The following TMC1 variants were observed in gnomAD, a reference collection of about 807,000 sequenced individuals.
TMC1 encodes transmembrane channel like 1.
In TMC1, 84 loss-of-function variants were observed where a neutral mutation model predicts 105.8. The observed-to-expected ratio is 0.79, with a 90% CI of 0.67 to 0.95. The LOEUF (loss-of-function observed/expected upper bound fraction) is 0.95, where lower values mean the gene tolerates loss of function less well. Among genes scored for constraint, TMC1 ranks in the 40% least tolerant of loss-of-function variants. The pLI is 0.00. For synonymous variants in TMC1, 315 were observed against 311.5 expected, an observed-to-expected ratio of 1.01 and a Z score of -0.12; for missense variants, 817 against 914.1, an observed-to-expected ratio of 0.89 and a Z score of 1.37.
intron 8 of TMC1, among the ~76,000 whole-genome samples, chr9:72,725,346 T>TATATATATAC (rs1827100255): frequency 8.2e-6 from 1 of 122,160 alleles, no homozygotes; most frequent in Admixed American, 8.4e-5. Context: ...TATATATATA[T>TATATATATAC]ATATATATAT....
rs759009636 is a variant in TMC1, at chr9:72,834,027, G to GT, written c.2261-1911dup. Among the ~76,000 whole-genome samples the GT allele has an allele frequency of 9.1e-3, 1,072 of 118,282 alleles. 5 individuals carry two copies. Among genetic ancestry groups the GT allele is most frequent in the African/African-American group, 0.022 (724 of 32,706 alleles). 77.6% of individuals were successfully genotyped at this position (118,282 alleles called of 152,430 possible). ...TACAAATTCTTTCCATCCATTTTCTGTTTTTTTTTTTTTCATGTAGAATTT... is the reference window on the plus strand; with the variant it reads ...TACAAATTCTTTCCATCCATTTTCTGTTTTTTTTTTTTTTCATGTAGAATTT... On this transcript the variant is annotated intron_variant, in intron 23 of 23. Coordinates refer to ENST00000297784, the MANE Select transcript of TMC1 (RefSeq NM_138691.3).
intron 1 of TMC1, among the ~76,000 whole-genome samples, chr9:72,576,633 CT>C (rs56821184): frequency 4.3e-4 from 49 of 113,488 alleles, no homozygotes; most frequent in Admixed American, 6.6e-4. Context: ...TTTTTTTTTT[CT>C]TTTTTTTTTT....
intron 3 of TMC1, among the ~76,000 whole-genome samples, chr9:72,617,154 T>C (rs1825148089): frequency 6.6e-6 from 1 of 152,096 alleles, no homozygotes; most frequent in Non-Finnish European, 1.5e-5. Flanking sequence ...TCTCTCTCTC[T>C]TTTTATTTTT....
chr9:72,610,825 G>A (rs955233332), intron 2 of TMC1, among the ~76,000 whole-genome samples: 19 of 152,224 alleles, frequency 1.2e-4, no homozygotes, highest in African/African-American at 3.6e-4. Flanking sequence ...CTGTGATAAC[G>A]TCTCTGAAGC....
chr9:72,813,803 C>T (rs993094637), intron 18 of TMC1, among the ~76,000 whole-genome samples: 4 of 152,178 alleles, frequency 2.6e-5, no homozygotes, highest in African/African-American at 9.7e-5. Flanking sequence ...GCCCAGCTTA[C>T]CTAGCTAAGA....
intron 5 of TMC1, among the ~76,000 whole-genome samples, chr9:72,668,961 C>T (rs1826085301): frequency 6.6e-6 from 1 of 152,106 alleles, no homozygotes. Context: ...TTTTTGTCTC[C>T]CTACAACTCA....
rs532112510 is a variant in TMC1, at chr9:72,701,453, G to T, written c.362+810G>T. Among the ~76,000 whole-genome samples the T allele has an allele frequency of 5.9e-5, 9 of 152,292 alleles. No individual in the cohort carries two copies. In the South Asian group the frequency reaches 1.2e-3, roughly 21 times the overall value. On this transcript the variant is annotated intron_variant, in intron 8 of 23. Transcript: ENST00000297784. The stretch of plus-strand genomic sequence containing the variant: ...GGAGAGGAGGAAAGGGCAGGGAAAA[G>T]GGAAACTGTTTGTGATAACAGCCAT...
chr9:72,700,403 C>G (rs559717525), intron 7 of TMC1, 115 bp from the exon 8 acceptor site: 1 of 759,442 alleles, frequency 1.3e-6, no homozygotes, highest in East Asian at 2.9e-5. Context: ...CTAATGTTGA[C>G]TGCATATGGT....
At chr9:72,725,515 G>A (rs1022204342) in intron 8 of TMC1, among the ~76,000 whole-genome samples, 7 of 151,488 alleles carry the variant, frequency 4.6e-5, no homozygotes, top group Middle Eastern at 3.2e-3. Flanking sequence ...CTTGGAGTCC[G>A]ATATTCGAGG....
chr9:72,713,904 T>G (rs1826877154), intron 8 of TMC1, among the ~76,000 whole-genome samples: 1 of 152,196 alleles, frequency 6.6e-6, no homozygotes, highest in South Asian at 2.1e-4. Context: ...TGTGGGCTTT[T>G]AGTGCTATAA....
At chr9:72,750,347 G>A (rs150491287) in intron 10 of TMC1, among the ~76,000 whole-genome samples, 1 of 152,236 alleles carries the variant, frequency 6.6e-6, no homozygotes, top group East Asian at 1.9e-4. Context: ...GGCTGATGCA[G>A]CCAGGGACTG....
In TMC1 at chr9:72,835,989, C is replaced by T. The variant is rs905388893; in HGVS notation, c.*16C>T. The T allele has an allele frequency of 1.2e-6, 2 of 1,603,508 alleles. No homozygotes were observed. The highest frequency in any genetic ancestry group is 1.1e-5 in the South Asian group (1 of 90,898). Reference sequence around the variant, plus strand: ...TCGCCAGTAATAAGTATCCTGAGAGCCCAGAAAAGGTACACTTTGCCTTGC... The same window carrying T: ...TCGCCAGTAATAAGTATCCTGAGAGTCCAGAAAAGGTACACTTTGCCTTGC... On this transcript the variant is annotated 3_prime_UTR_variant, in exon 24 of 24. Transcript: ENST00000297784.
At chr9:72,650,381 C>T (rs1173055333) in intron 5 of TMC1, among the ~76,000 whole-genome samples, 1 of 152,116 alleles carries the variant, frequency 6.6e-6, no homozygotes, top group Non-Finnish European at 1.5e-5. Context: ...TATTATGTGC[C>T]AGGTTCTGTA....
At chr9:72,833,461 G>T (rs1829073841) in intron 23 of TMC1, among the ~76,000 whole-genome samples, 1 of 152,174 alleles carries the variant, frequency 6.6e-6, no homozygotes. Flanking sequence ...ACTAGTGTGT[G>T]TCTGGGATAC....
chr9:72,644,183 A>G (rs964345590), intron 4 of TMC1, among the ~76,000 whole-genome samples: 2 of 152,116 alleles, frequency 1.3e-5, no homozygotes, highest in Admixed American at 1.3e-4. Context: ...CCTTTAACAA[A>G]TGTATGATTT....
At chr9:72,771,168 G>A (rs949576476) in intron 12 of TMC1, among the ~76,000 whole-genome samples, 12 of 152,122 alleles carry the variant, frequency 7.9e-5, no homozygotes, top group Non-Finnish European at 1.0e-4. Flanking sequence ...GATTCATTCC[G>A]TGCAGTCCCG....
At chr9:72,654,103 G>T (rs1181539548) in intron 5 of TMC1, among the ~76,000 whole-genome samples, 3 of 152,176 alleles carry the variant, frequency 2.0e-5, no homozygotes, top group Non-Finnish European at 4.4e-5. Context: ...CATTTGAATA[G>T]AAGTCTGTTG....
At chr9:72,703,789 G>A (rs1826683943) in intron 8 of TMC1, among the ~76,000 whole-genome samples, 1 of 152,222 alleles carries the variant, frequency 6.6e-6, no homozygotes. Flanking sequence ...ATGTCAGCAA[G>A]GCTCACAGTC....
chr9:72,764,249 A>G (rs1231921966), intron 12 of TMC1, among the ~76,000 whole-genome samples: 1 of 152,206 alleles, frequency 6.6e-6, no homozygotes, highest in Non-Finnish European at 1.5e-5. Context: ...ATCTCCCAGT[A>G]TAGGCTGTGT....
Sources: allele counts gnomAD v4.1 joint callset (sites outside exome capture counted in the v4.1 genomes callset), GRCh38; gene constraint gnomAD v4.1.1; transcripts MANE v1.5; gene names NCBI Gene and HGNC (gene_info 2026-07-23, HGNC 2026-07-21).